Variants in MSI2 observed in about 807,000 individuals in gnomAD.
MSI2 encodes RNA-binding protein Musashi homolog 2.
MSI2 carries 17 observed loss-of-function variants against 45.6 expected under a neutral mutation model. The observed-to-expected ratio is 0.37, with a 90% confidence interval of 0.26 to 0.56. MSI2 has a LOEUF of 0.56. Ranked by LOEUF, MSI2 falls within the 20% of genes least tolerant of loss-of-function variation. The probability of loss-of-function intolerance (pLI) is 0.77; values close to 1 mark genes in which losing one functional copy is unlikely to be tolerated. For synonymous variants in MSI2, 156 were observed against 158.2 expected, an observed-to-expected ratio of 0.99 and a Z score of 0.11; for missense variants, 293 against 444.2, an observed-to-expected ratio of 0.66 and a Z score of 3.06.
chr17:57,589,855 A>C (rs1328603512), intron 7 of MSI2, among the ~76,000 whole-genome samples: 1 of 152,208 alleles, frequency 6.6e-6, no homozygotes, highest in Non-Finnish European at 1.5e-5. Context: ...ACTTGAGCAC[A>C]ATGACAGTAG....
chr17:57,361,139 C>CT (rs1916784252), intron 5 of MSI2, among the ~76,000 whole-genome samples: 1 of 152,188 alleles, frequency 6.6e-6, no homozygotes, highest in South Asian at 2.1e-4. Context: ...TACGGCCCCC[C>CT]TGCACAGTTG....
At chr17:57,646,443 G>A (rs1910666020) in intron 10 of MSI2, among the ~76,000 whole-genome samples, 1 of 152,198 alleles carries the variant, frequency 6.6e-6, no homozygotes, top group African/African-American at 2.4e-5. Flanking sequence ...ACTAACCCCA[G>A]AGCTGTGTTA....
intron 7 of MSI2, among the ~76,000 whole-genome samples, chr17:57,551,559 C>A (rs961738255): frequency 2.6e-5 from 4 of 152,116 alleles, no homozygotes; most frequent in African/African-American, 9.7e-5. Context: ...ATGACGTCTG[C>A]CGAGCCCCAG....
intron 6 of MSI2, among the ~76,000 whole-genome samples, chr17:57,417,013 C>T (rs868238172): frequency 6.6e-6 from 1 of 152,138 alleles, no homozygotes; most frequent in African/African-American, 2.4e-5. Flanking sequence ...TAAGCAGAAT[C>T]GCAGTGTGGT....
In MSI2 at chr17:57,450,254, TTAAA is replaced by T. The variant is rs1417027978; in HGVS notation, c.405+48784_405+48787del. The T allele has an allele frequency of 9.0e-4, 89 of 98,770 alleles. 1 individual carries two copies. Among genetic ancestry groups the T allele is most frequent in the Non-Finnish European group, 1.1e-3 (60 of 52,608 alleles). 6.1% of individuals were successfully genotyped at this position (98,770 alleles called of 1,614,324 possible). A position where few individuals can be genotyped will look rare whatever the true frequency, so the allele number is the denominator to read the frequency against. ...ACAACTGGAAATGGTATTCCCCAGC[TTAAA>T]GAAAGAAAGAAAGAAAGAAAGAAAG... On this transcript the variant is annotated intron_variant, in intron 6 of 13. Coordinates refer to ENST00000284073, the MANE Select transcript of MSI2 (RefSeq NM_138962.4).
intron 8 of MSI2, among the ~76,000 whole-genome samples, chr17:57,598,755 C>T (rs757116106): frequency 3.3e-5 from 5 of 152,136 alleles, no homozygotes; most frequent in Admixed American, 6.5e-5. Flanking sequence ...CTCCGCCTCC[C>T]GGGCTCAAGC....
intron 4 of MSI2, among the ~76,000 whole-genome samples, chr17:57,259,644 T>C (rs1317944801): frequency 2.0e-5 from 3 of 152,234 alleles, no homozygotes; most frequent in African/African-American, 7.2e-5. Context: ...CCCAGCCTTT[T>C]GTACTTTTAG....
In MSI2 at chr17:57,684,230, G is replaced by A. The variant is rs898216821; in HGVS notation, c.*4713G>A. The A allele has an allele frequency of 2.9e-5, 6 of 208,178 alleles. No individual in the cohort carries two copies. The highest frequency in any genetic ancestry group is 6.0e-5 in the Admixed American group (1 of 16,776). 12.9% of individuals were successfully genotyped at this position (208,178 alleles called of 1,614,324 possible). ...ATCTGTGAGTGTCCTCTTAAGTAGC[G>A]TGGGCTAGCCAATCTGCCGTTCATG... On this transcript the variant is annotated 3_prime_UTR_variant, in exon 14 of 14. Transcript: ENST00000284073.
intron 7 of MSI2, among the ~76,000 whole-genome samples, chr17:57,530,596 G>C (rs1042407230): frequency 1.1e-4 from 16 of 152,188 alleles, no homozygotes; most frequent in Admixed American, 1.0e-3. Context: ...AGCTTCCTAA[G>C]GGGGTGGCAG....
At chr17:57,390,405 G>A (rs2062357812) in intron 5 of MSI2, among the ~76,000 whole-genome samples, 1 of 152,136 alleles carries the variant, frequency 6.6e-6, no homozygotes, top group African/African-American at 2.4e-5. Flanking sequence ...GAACCAATGA[G>A]ATCCCTGAGG....
chr17:57,489,945 C>T (rs1476771185), intron 6 of MSI2, among the ~76,000 whole-genome samples: 16 of 152,050 alleles, frequency 1.1e-4, no homozygotes, highest in East Asian at 1.9e-4. Flanking sequence ...AGGAGGGTGA[C>T]GAGAGGGTGA....
Position 57,680,639 on chromosome 17 carries a change from G to C in MSI2, c.*1122G>C, listed in dbSNP as rs1427053748. The C allele has an allele frequency of 6.5e-5, 14 of 216,618 alleles. No individual in the cohort carries two copies. The highest frequency in any genetic ancestry group is 3.7e-4 in the South Asian group (2 of 5,352). 13.4% of individuals were successfully genotyped at this position (216,618 alleles called of 1,614,324 possible). ...GCACAGCTTCAAATGTTACCGTCTAGTTAGATTTTTATTTAAAATATGAAA... is the reference window on the plus strand; with the variant it reads ...GCACAGCTTCAAATGTTACCGTCTACTTAGATTTTTATTTAAAATATGAAA... On this transcript the variant is annotated 3_prime_UTR_variant, in exon 14 of 14. Coordinates refer to ENST00000284073, the MANE Select transcript of MSI2 (RefSeq NM_138962.4).
intron 6 of MSI2, chr17:57,406,832 T>C (rs2084091382): frequency 6.6e-6 from 1 of 152,296 alleles, no homozygotes; most frequent in Admixed American, 6.5e-5. Flanking sequence ...AGTGGGCTGC[T>C]ACAATCCGGC....
rs532430287 is a variant in MSI2, at chr17:57,338,194, A to ATCC, written c.313-63176_313-63174dup. On this transcript the variant is annotated intron_variant, in intron 5 of 13. Transcript: ENST00000284073. ...AACCTCCACCTCCTGGGTTTAGGAA[A>ATCC]TCCTCCTCCTCAGCCTCCTGAGTAG... 1.3e-3 allele frequency among the ~76,000 whole-genome samples: 196 copies of ATCC among 152,022 alleles called. 1 individual carries two copies. Among genetic ancestry groups the ATCC allele is most frequent in the Non-Finnish European group, 2.4e-3 (164 of 67,968 alleles).
intron 6 of MSI2, among the ~76,000 whole-genome samples, chr17:57,527,308 T>C (rs2086723194): frequency 7.3e-6 from 1 of 136,190 alleles, no homozygotes; most frequent in African/African-American, 2.7e-5. Context: ...TCCTATTGAG[T>C]CCCAGGGTCT....
chr17:57,381,663 T>C (rs1313070865), intron 5 of MSI2, among the ~76,000 whole-genome samples: 4 of 152,224 alleles, frequency 2.6e-5, no homozygotes, highest in African/African-American at 9.6e-5. Flanking sequence ...GCACTTGAAA[T>C]GTGGCTAGGG....
intron 5 of MSI2, chr17:57,266,662 G>C (rs368395708): frequency 6.6e-6 from 1 of 152,268 alleles, no homozygotes; most frequent in East Asian, 1.9e-4. Flanking sequence ...TGCCCGACCA[G>C]ATAATTATTT....
chr17:57,546,837 T>C (rs555436207), intron 7 of MSI2, among the ~76,000 whole-genome samples: 2 of 152,344 alleles, frequency 1.3e-5, no homozygotes, highest in African/African-American at 4.8e-5. Context: ...CACTGTGTCC[T>C]GGGCCCTTCC....
intron 6 of MSI2, among the ~76,000 whole-genome samples, chr17:57,469,811 G>C (rs943328808): frequency 3.3e-5 from 5 of 152,210 alleles, no homozygotes; most frequent in Non-Finnish European, 5.9e-5. Flanking sequence ...ATCTTCTGAA[G>C]TGCACATCTG....
Sources: allele counts gnomAD v4.1 joint callset (sites outside exome capture counted in the v4.1 genomes callset), GRCh38; gene constraint gnomAD v4.1.1; transcripts MANE v1.5; gene names NCBI Gene and HGNC (gene_info 2026-07-23, HGNC 2026-07-21).